SMCO3: variants seen among roughly 807,000 people sequenced by gnomAD.
SMCO3 encodes the protein single-pass membrane protein with coiled-coil domains 3.
A neutral mutation model predicts 12.0 loss-of-function variants in SMCO3; 6 were observed. The ratio of observed to expected loss-of-function variants is 0.50; its 90% CI spans 0.27 to 0.99. SMCO3 has a LOEUF of 0.99. Ranked by LOEUF, SMCO3 falls within the 50% of genes least tolerant of loss-of-function variation. SMCO3 has a pLI of 0.11. For missense variants in SMCO3, 279 were observed against 265.0 expected (o/e 1.05, Z -0.37); for synonymous variants, 96 against 96.4 (o/e 1.00, Z 0.02).
At position 14,804,653 on chromosome 12, in the gene SMCO3, A is replaced by C. The variant is rs1950019875; in HGVS notation, c.*1350T>G. On this transcript the variant is annotated 3_prime_UTR_variant, in exon 2 of 2. Coordinates refer to ENST00000316048, the MANE Select transcript of SMCO3 (RefSeq NM_001013698.2). Reference sequence around the variant, plus strand: ...AAAAAGAAAATAATCTTGAACTGCGAAGGTGAGCTAAGTTGTAATGTTTTG... The same window carrying C: ...AAAAAGAAAATAATCTTGAACTGCGCAGGTGAGCTAAGTTGTAATGTTTTG... The C allele has an allele frequency of 6.6e-6, 1 of 152,238 alleles. No homozygotes were observed. The highest frequency in any genetic ancestry group is 1.5e-5 in the Non-Finnish European group (1 of 68,044). 9.4% of individuals were successfully genotyped at this position (152,238 alleles called of 1,614,324 possible).
chr12:14,808,033 G>C (rs1440445764), intron 1 of SMCO3, among the ~76,000 whole-genome samples: 1 of 152,156 alleles, frequency 6.6e-6, no homozygotes, highest in African/African-American at 2.4e-5. Context: ...GGGTGTGGTG[G>C]TGCATGCCTG....
At chr12:14,807,629 C>CT (rs1452967633) in intron 1 of SMCO3, among the ~76,000 whole-genome samples, 1 of 152,190 alleles carries the variant, frequency 6.6e-6, no homozygotes, top group East Asian at 1.9e-4. Context: ...ATGCTAGAAT[C>CT]TTTAACAAAT....
intron 1 of SMCO3, among the ~76,000 whole-genome samples, chr12:14,809,918 A>G (rs1184041200): frequency 6.6e-6 from 1 of 152,254 alleles, no homozygotes; most frequent in South Asian, 2.1e-4. Flanking sequence ...CAGTCTTACT[A>G]GAAATCAAAG....
intron 1 of SMCO3, among the ~76,000 whole-genome samples, chr12:14,810,289 G>A (rs1422883515): frequency 6.6e-6 from 1 of 152,166 alleles, no homozygotes; most frequent in Admixed American, 6.5e-5. Flanking sequence ...CACCCCAAAT[G>A]AGATAAGAAG....
chr12:14,810,164 TG>T (rs1436357250), intron 1 of SMCO3, among the ~76,000 whole-genome samples: 1 of 152,116 alleles, frequency 6.6e-6, no homozygotes. Context: ...CTTTTTTCCT[TG>T]GGTGGGGAGT....
At position 14,804,747 on chromosome 12, in the gene SMCO3, CAAG is replaced by C. The variant is rs1167400280; in HGVS notation, c.*1253_*1255del. The C allele has an allele frequency of 6.6e-6, 1 of 152,126 alleles. No individual in the cohort carries two copies. Among genetic ancestry groups the C allele is most frequent in the Non-Finnish European group, 1.5e-5 (1 of 68,020 alleles). The allele number at this position is 152,126 out of a possible 1,614,324, so 9.4% of individuals were successfully genotyped here. On this transcript the variant is annotated 3_prime_UTR_variant, in exon 2 of 2. Coordinates refer to ENST00000316048, the MANE Select transcript of SMCO3 (RefSeq NM_001013698.2). ...TTGCAACTCGTTTTGAAAAACAATG[CAAG>C]AAGAGAAAGAGAAAACAGTGTATGT... is the stretch of plus-strand genomic sequence containing the variant.
chr12:14,806,642 T>A lies in SMCO3; in HGVS notation c.39A>T (p.Lys13Asn). The change falls in exon 2 of 2, where the codon AAA becomes AAT. Residue 13 changes from lysine (K) to asparagine (N), a missense_variant. Coordinates refer to ENST00000316048, the MANE Select transcript of SMCO3 (RefSeq NM_001013698.2). ...QSDFLYPENP[K>N]RREEVNRLHQ... ...GAAGACGATTTACTTCTTCCCGCCT[T>A]TTTGGGTTCTCTGGGTAAAGGAAGT... is the stretch of plus-strand genomic sequence containing the variant. 3.1e-6 allele frequency: 5 copies of A among 1,610,216 alleles called. No individual in the cohort carries two copies. Among genetic ancestry groups the A allele is most frequent in the Non-Finnish European group, 4.2e-6 (5 of 1,178,756 alleles).
intron 1 of SMCO3, among the ~76,000 whole-genome samples, chr12:14,811,844 A>G (rs1159869628): frequency 5.9e-5 from 9 of 152,328 alleles, no homozygotes; most frequent in Middle Eastern, 3.4e-3. Flanking sequence ...ATTAATATCA[A>G]GGTGATTAGA....
intron 1 of SMCO3, among the ~76,000 whole-genome samples, chr12:14,809,879 T>C (rs186705397): frequency 3.9e-5 from 6 of 152,124 alleles, no homozygotes; most frequent in Non-Finnish European, 7.4e-5. Context: ...GTACAAAAAA[T>C]AGTATCTAAT....
rs1214734404 is a variant in SMCO3, at chr12:14,805,748, G to C, written c.*255C>G. 1 of 457,052 alleles carries C rather than the reference G, an allele frequency of 2.2e-6. No homozygotes were observed. Among genetic ancestry groups the C allele is most frequent in the Non-Finnish European group, 3.9e-6 (1 of 259,176 alleles). The allele number at this position is 457,052 out of a possible 1,614,324, so 28.3% of individuals were successfully genotyped here. On this transcript the variant is annotated 3_prime_UTR_variant, in exon 2 of 2. Transcript: ENST00000316048. ...ATAGCATTTACCCCAATGTTGATCTGGTAGAGCAGGGTGTGAAAACATCCA... is the reference window on the plus strand; with the variant it reads ...ATAGCATTTACCCCAATGTTGATCTCGTAGAGCAGGGTGTGAAAACATCCA...
intron 1 of SMCO3, among the ~76,000 whole-genome samples, chr12:14,813,328 G>A (rs938095576): frequency 2.6e-5 from 4 of 152,164 alleles, no homozygotes; most frequent in African/African-American, 7.2e-5. Context: ...TTATCTGGGA[G>A]TGTGGAAATA....
At chr12:14,807,224 T>C (rs1950065622) in intron 1 of SMCO3, among the ~76,000 whole-genome samples, 1 of 152,222 alleles carries the variant, frequency 6.6e-6, no homozygotes, top group Non-Finnish European at 1.5e-5. Flanking sequence ...GATGGATAAA[T>C]TAAGTTATTA....
At chr12:14,810,681 G>C (rs924888863) in intron 1 of SMCO3, among the ~76,000 whole-genome samples, 5 of 152,104 alleles carry the variant, frequency 3.3e-5, no homozygotes, top group African/African-American at 9.7e-5. Flanking sequence ...GTGGCCATGT[G>C]GAGACATTTA....
chr12:14,806,046 G>A lies in SMCO3; in HGVS notation c.635C>T (p.Ala212Val), dbSNP rs1555175072. The change falls in exon 2 of 2, where the codon GCC becomes GTC. Residue 212 changes from alanine to valine, a missense_variant. Ala to Val is a moderately conservative substitution (Grantham distance 64, BLOSUM62 0). Transcript: ENST00000316048. ...CACTGTATTGATGACCTCAGTAATG[G>A]CATGATTATATTTTTCTGAGGCTGA... ...FKSASEKYNH[A>V]ITEVINTVKH... 6.2e-7 allele frequency: 1 copy of A among 1,614,046 alleles called. No individual in the cohort carries two copies. Among genetic ancestry groups the A allele is most frequent in the East Asian group, 2.2e-5 (1 of 44,892 alleles).
intron 1 of SMCO3, among the ~76,000 whole-genome samples, chr12:14,811,931 GT>G (rs1950145997): frequency 6.6e-6 from 1 of 152,148 alleles, no homozygotes; most frequent in Admixed American, 6.5e-5. Context: ...AAAGTGAACG[GT>G]TTGGTAAAAC....
intron 1 of SMCO3, among the ~76,000 whole-genome samples, chr12:14,809,996 G>C (rs1281974511): frequency 6.6e-6 from 1 of 152,202 alleles, no homozygotes; most frequent in African/African-American, 2.4e-5. Context: ...TCTTGCTCTT[G>C]CACTTGCGCT....
At position 14,806,268 on chromosome 12, in the gene SMCO3, G is replaced by A; in HGVS notation, c.413C>T (p.Ser138Leu). ...ASAVAVKLVG[S>L]NVTTGIINKL... ...GTTAATTATGCCAGTTGTGACATTTGAGCCCACAAGTTTAACAGCGACTGC... is the reference window on the plus strand; with the variant it reads ...GTTAATTATGCCAGTTGTGACATTTAAGCCCACAAGTTTAACAGCGACTGC... Residue 138 changes from serine to leucine, a missense_variant, in exon 2 of 2, where the codon TCA becomes TTA. Ser to Leu is a moderately radical substitution (Grantham distance 145, BLOSUM62 -2). Coordinates refer to ENST00000316048, the MANE Select transcript of SMCO3 (RefSeq NM_001013698.2). 6.2e-7 allele frequency: 1 copy of A among 1,614,192 alleles called. No individual in the cohort carries two copies. Among genetic ancestry groups the A allele is most frequent in the South Asian group, 1.1e-5 (1 of 91,082 alleles).
At chr12:14,812,663 T>A (rs1950159480) in intron 1 of SMCO3, among the ~76,000 whole-genome samples, 1 of 152,142 alleles carries the variant, frequency 6.6e-6, no homozygotes, top group Non-Finnish European at 1.5e-5. Flanking sequence ...TTATTACTTT[T>A]GATATGTATC....
At chr12:14,810,020 G>A (rs890724666) in intron 1 of SMCO3, among the ~76,000 whole-genome samples, 2 of 152,084 alleles carry the variant, frequency 1.3e-5, no homozygotes, top group Non-Finnish European at 2.9e-5. Context: ...ACTCTTTTTC[G>A]TGGGATCTAG....
Sources: gnomAD v4.1 joint callset for allele counts (sites outside exome capture counted in the v4.1 genomes callset) on GRCh38, gnomAD v4.1.1 for gene constraint, MANE v1.5 for transcripts, NCBI Gene and HGNC (gene_info 2026-07-23, HGNC 2026-07-21) for gene names.